ITGB3: variants seen among roughly 807,000 people sequenced by gnomAD.
The protein encoded by ITGB3 is integrin beta-3.
A neutral mutation model predicts 85.8 loss-of-function variants in ITGB3; 48 were observed. That is an observed-to-expected ratio of 0.56 (90% CI 0.44 to 0.71). ITGB3 has a LOEUF of 0.71. Ranked by LOEUF, ITGB3 falls within the 30% of genes least tolerant of loss-of-function variation. ITGB3 has a pLI of 0.00. For synonymous variants in ITGB3, 363 were observed against 395.6 expected (o/e 0.92, Z 0.98); for missense variants, 861 against 1,019.1 (o/e 0.84, Z 2.11).
chr17:47,298,880 C>T (rs2143128858), intron 10 of ITGB3, among the ~76,000 whole-genome samples: 1 of 152,334 alleles, frequency 6.6e-6, no homozygotes, highest in East Asian at 1.9e-4. Context: ...ACTGAGTGCC[C>T]TGTGTAGGTT....
At chr17:47,267,020 T>C (rs899918736) in intron 1 of ITGB3, among the ~76,000 whole-genome samples, 2 of 152,192 alleles carry the variant, frequency 1.3e-5, no homozygotes, top group African/African-American at 4.8e-5. Context: ...TCCCCTAGAA[T>C]GATGTCATCA....
chr17:47,284,411 A>G, intron 3 of ITGB3, 32 bp from the exon 4 acceptor site: 1 of 1,613,844 alleles, frequency 6.2e-7, no homozygotes, highest in South Asian at 1.1e-5. Context: ...GTGGGAGAAG[A>G]AGATAAAAAC....
Position 47,290,448 on chromosome 17 carries a change from A to AGAAGGAAGGAAGGAAGGAAGGAAG in ITGB3, c.1125+175_1125+198dup, listed in dbSNP as rs112290297. ...GCTCTAGAAGGGATGCAGCCTTCTG[A>AGAAGGAAGGAAGGAAGGAAGGAAG]GAAGGAAGGAAGGAAGGAAGGAAGA... On this transcript the variant is annotated intron_variant, in intron 8 of 14. Transcript: ENST00000559488. Among the ~76,000 whole-genome samples the AGAAGGAAGGAAGGAAGGAAGGAAG allele has an allele frequency of 8.4e-3, 1,256 of 149,018 alleles. 4 individuals carry two copies. The highest frequency in any genetic ancestry group is 0.011 in the African/African-American group (444 of 40,322).
In ITGB3 at chr17:47,286,453, T is replaced by G. The variant is rs201136404; in HGVS notation, c.777+31T>G. On this transcript the variant is annotated intron_variant, in intron 5 of 14. Coordinates refer to ENST00000559488, the MANE Select transcript of ITGB3 (RefSeq NM_000212.3). ...TTTGGAGGACTTGGAGTGCCAGGTG[T>G]GGCTGGCATAGATCAAAATGGGAAA... is the stretch of plus-strand genomic sequence containing the variant. 2.8e-5 allele frequency: 45 copies of G among 1,612,542 alleles called. No individual in the cohort carries two copies. The African/African-American group carries it at 5.6e-4, about 20-fold the overall frequency.
rs1290660101 is a variant in ITGB3 at position 47,286,421 on chromosome 17, A to T, written c.776A>T (p.Asp259Val). The T allele has an allele frequency of 6.8e-6, 11 of 1,613,946 alleles. No homozygotes were observed. In the South Asian group the frequency reaches 1.1e-4, roughly 16 times the overall value. The change falls in exon 5 of 15, where the codon GAT becomes GTT. Residue 259 changes from aspartate (D) to valine (V), a missense_variant and splice_region_variant. Transcript: ENST00000559488. ...GCCATCATGCAGGCTACAGTCTGTG[A>T]TGTGAGTTTGGAGGACTTGGAGTGC... Reference protein sequence around the residue: ...FDAIMQATVCDEKIGWRNDAS... With the variant: ...FDAIMQATVCVEKIGWRNDAS...
At chr17:47,263,900 C>T (rs79016019) in intron 1 of ITGB3, among the ~76,000 whole-genome samples, 3,197 of 152,290 alleles carry the variant, frequency 0.021, 131 homozygotes, top group East Asian at 0.19. Flanking sequence ...AAAAATCCTT[C>T]CTGTTTTTCC....
At chr17:47,270,545 A>G (rs565619411) in intron 1 of ITGB3, among the ~76,000 whole-genome samples, 52 of 152,366 alleles carry the variant, frequency 3.4e-4, no homozygotes, top group Non-Finnish European at 6.8e-4. Context: ...TGAAACTAGC[A>G]GCCACTTTTC....
intron 10 of ITGB3, 49 bp downstream of exon 10, chr17:47,292,617 A>G (rs1230980830): frequency 6.3e-7 from 1 of 1,583,630 alleles, no homozygotes; most frequent in East Asian, 2.2e-5. Context: ...ACCCCCTCAT[A>G]TACCTGCAAC....
intron 1 of ITGB3, among the ~76,000 whole-genome samples, chr17:47,259,963 A>G (rs778311815): frequency 3.9e-5 from 6 of 152,200 alleles, no homozygotes; most frequent in Non-Finnish European, 7.3e-5. Flanking sequence ...ACATAGGATC[A>G]TTGTCAGTCG....
chr17:47,291,249 A>G (rs1296620768), intron 9 of ITGB3, 161 bp downstream of exon 9: 2 of 760,598 alleles, frequency 2.6e-6, no homozygotes, highest in Non-Finnish European at 4.4e-6. Context: ...GATGTAATGG[A>G]TCCACCAATC....
At chr17:47,266,218 A>T (rs1196741192) in intron 1 of ITGB3, among the ~76,000 whole-genome samples, 1 of 151,880 alleles carries the variant, frequency 6.6e-6, no homozygotes, top group Admixed American at 6.6e-5. Context: ...CCAGATTAGA[A>T]CTCCTTTCTG....
intron 2 of ITGB3, 42 bp downstream of exon 2, chr17:47,274,546 G>A (rs376323808): frequency 7.0e-4 from 1,102 of 1,565,090 alleles, no homozygotes; most frequent in Non-Finnish European, 8.9e-4. Flanking sequence ...TCCAGACTAA[G>A]CTGCTTTTGT....
chr17:47,259,769 T>C (rs2065002817), intron 1 of ITGB3, among the ~76,000 whole-genome samples: 1 of 152,092 alleles, frequency 6.6e-6, no homozygotes, highest in Admixed American at 6.6e-5. Flanking sequence ...CATGGTGGCA[T>C]GCGTCTGTAA....
Position 47,300,571 on chromosome 17 carries a change from A to G in ITGB3, c.2007A>G (p.Lys669=), listed in dbSNP as rs763575263. The change falls in exon 12 of 15, where the codon AAA becomes AAG. Residue 669 remains lysine (K), a synonymous_variant. Coordinates refer to ENST00000559488, the MANE Select transcript of ITGB3 (RefSeq NM_000212.3). ...GCCGTGACGAGATTGAGTCAGTGAAAGAGCTTAGTAAGTTCAGCACATCTT... is the reference window on the plus strand; with the variant it reads ...GCCGTGACGAGATTGAGTCAGTGAAGGAGCTTAGTAAGTTCAGCACATCTT... The part of the protein sequence containing the change: ...RYCRDEIESV[K]ELKDTGKDAV... 2.5e-6 allele frequency: 4 copies of G among 1,613,126 alleles called. No individual in the cohort carries two copies. In the African/African-American group the frequency reaches 5.3e-5, roughly 22 times the overall value.
chr17:47,307,374 G>A, intron 13 of ITGB3, 97 bp from the exon 14 acceptor site: 2 of 1,358,154 alleles, frequency 1.5e-6, no homozygotes, highest in South Asian at 2.4e-5. Flanking sequence ...TTCCTTCAAG[G>A]ACCTTAGTTA....
chr17:47,303,004 T>G (rs2065173143), intron 13 of ITGB3, among the ~76,000 whole-genome samples, 164 bp downstream of exon 13: 1 of 152,198 alleles, frequency 6.6e-6, no homozygotes. Flanking sequence ...TCCCAGCAGT[T>G]TGGAAGGCCA....
chr17:47,281,317 G>A (rs1033076751), intron 2 of ITGB3, among the ~76,000 whole-genome samples: 1 of 152,168 alleles, frequency 6.6e-6, no homozygotes, highest in African/African-American at 2.4e-5. Flanking sequence ...TCCCGGGAGG[G>A]GTTTTCCAGC....
In ITGB3 at chr17:47,312,639, G is replaced by A. The variant is rs906057430; in HGVS notation, c.*2435G>A. Among the ~76,000 whole-genome samples the A allele has an allele frequency of 6.6e-6, 1 of 152,210 alleles. No homozygotes were observed. The highest frequency in any genetic ancestry group is 1.5e-5 in the Non-Finnish European group (1 of 68,036). On this transcript the variant is annotated 3_prime_UTR_variant, in exon 15 of 15. Coordinates refer to ENST00000559488, the MANE Select transcript of ITGB3 (RefSeq NM_000212.3). ...AACTGTATCAAAGGGGGAAGAAAAT[G>A]TATTTAACAGGTGAATCAAATCAGG...
intron 1 of ITGB3, 67 bp downstream of exon 1, chr17:47,254,007 A>G: frequency 4.6e-6 from 5 of 1,078,354 alleles, no homozygotes; most frequent in Non-Finnish European, 6.2e-6. Context: ...CAAGTTGCGG[A>G]CTTGGAGCCG....
Sources: gnomAD v4.1 joint callset for allele counts (sites outside exome capture counted in the v4.1 genomes callset) on GRCh38, gnomAD v4.1.1 for gene constraint, MANE v1.5 for transcripts, NCBI Gene and HGNC (gene_info 2026-07-23, HGNC 2026-07-21) for gene names.